The following KDM3B variants were observed in gnomAD, a reference collection of about 807,000 sequenced individuals.
KDM3B encodes the protein lysine demethylase 3B.
A neutral mutation model predicts 170.0 loss-of-function variants in KDM3B; 10 were observed. The observed-to-expected ratio is 0.06, with a 90% CI of 0.04 to 0.10. The LOEUF (loss-of-function observed/expected upper bound fraction) is 0.10, where lower values mean the gene tolerates loss of function less well. KDM3B is among the 10% of genes least tolerant of loss of function. The pLI is 1.00. For synonymous variants in KDM3B, 831 were observed against 834.8 expected (o/e 1.00, Z 0.08); for missense variants, 1,394 against 2,195.2 (o/e 0.64, Z 7.29).
At chr5:138,371,860 A>G (rs1372169021) in intron 1 of KDM3B, among the ~76,000 whole-genome samples, 1 of 152,168 alleles carries the variant, frequency 6.6e-6, no homozygotes, top group Non-Finnish European at 1.5e-5. Flanking sequence ...ACGGTGGCTC[A>G]TGCCTGCAAT....
intron 20 of KDM3B, 99 bp downstream of exon 20, chr5:138,428,185 TTTTTC>T: frequency 3.1e-5 from 38 of 1,206,802 alleles, no homozygotes; most frequent in Non-Finnish European, 4.0e-5. Flanking sequence ...TTTCCTTTTT[TTTTTC>T]TTTTTCTTTT....
chr5:138,402,028 A>C (rs1762706962), intron 11 of KDM3B, among the ~76,000 whole-genome samples: 1 of 151,836 alleles, frequency 6.6e-6, no homozygotes, highest in African/African-American at 2.4e-5. Flanking sequence ...GCCTGGGCCC[A>C]AGCAGTTCTC....
At chr5:138,376,431 G>A (rs1470287456) in intron 3 of KDM3B, among the ~76,000 whole-genome samples, 2 of 152,050 alleles carry the variant, frequency 1.3e-5, no homozygotes, top group African/African-American at 4.8e-5. Context: ...TCGGCCAGGC[G>A]CGGTGGCTCA....
At chr5:138,367,810 C>T (rs191072109) in intron 1 of KDM3B, among the ~76,000 whole-genome samples, 4 of 152,088 alleles carry the variant, frequency 2.6e-5, no homozygotes, top group Non-Finnish European at 4.4e-5. Context: ...GTCAGGAGTT[C>T]GAGACCAGCC....
intron 14 of KDM3B, 79 bp downstream of exon 14, chr5:138,419,311 A>C: frequency 6.9e-7 from 1 of 1,441,932 alleles, no homozygotes; most frequent in Non-Finnish European, 9.4e-7. Context: ...CTCACACATT[A>C]CCATCCACAT....
At position 138,425,503 on chromosome 5, in the gene KDM3B, C is replaced by T. The variant is rs758421127; in HGVS notation, c.4332C>T (p.Asp1444=). 13 of 1,614,008 alleles carry T rather than the reference C, an allele frequency of 8.1e-6. No individual in the cohort carries two copies. The highest frequency in any genetic ancestry group is 1.0e-5 in the Non-Finnish European group (12 of 1,180,032). ...FSQEFGDQDV[D]LVNCRNCAII... Reference sequence around the variant, plus strand: ...AGGAATTTGGAGACCAGGATGTAGACTTGGTGAACTGCAGGAACTGTGCTA... The same window carrying T: ...AGGAATTTGGAGACCAGGATGTAGATTTGGTGAACTGCAGGAACTGTGCTA... Residue 1444 remains aspartate (D), a synonymous_variant, in exon 17 of 24, where the codon GAC becomes GAT. Coordinates refer to ENST00000314358, the MANE Select transcript of KDM3B (RefSeq NM_016604.4).
chr5:138,408,924 A>G (rs548483861), intron 11 of KDM3B, among the ~76,000 whole-genome samples: 6 of 152,176 alleles, frequency 3.9e-5, no homozygotes, highest in Non-Finnish European at 7.3e-5. Flanking sequence ...GTGCCCTTTC[A>G]GGGGGCCATA....
At chr5:138,401,261 A>G (rs1316127301) in intron 11 of KDM3B, among the ~76,000 whole-genome samples, 1 of 125,260 alleles carries the variant, frequency 8.0e-6, no homozygotes, top group Non-Finnish European at 1.7e-5. Flanking sequence ...ACAGAGCAAG[A>G]CTTCATCTCA....
At chr5:138,366,163 A>T (rs1251840713) in intron 1 of KDM3B, among the ~76,000 whole-genome samples, 1 of 151,994 alleles carries the variant, frequency 6.6e-6, no homozygotes, top group South Asian at 2.1e-4. Context: ...ATCTTTCCAC[A>T]TTAGTCTATT....
chr5:138,408,246 C>A (rs143851488), intron 11 of KDM3B, among the ~76,000 whole-genome samples: 7 of 152,062 alleles, frequency 4.6e-5, no homozygotes, highest in African/African-American at 7.2e-5. Context: ...CAGACGCCGC[C>A]GCCTCAAGCC....
Position 138,391,362 on chromosome 5 carries a change from C to T in KDM3B, c.1730C>T (p.Thr577Ile). Reference protein sequence around the residue: ...GLCKGRSVLGTDTKPGSKAGS... With the variant: ...GLCKGRSVLGIDTKPGSKAGS... The stretch of plus-strand genomic sequence containing the variant: ...TGTAAAGGCAGATCCGTTCTTGGAA[C>T]AGACACTAAGCCAGGCTCTAAGGCT... The change falls in exon 8 of 24, where the codon ACA (threonine) becomes ATA (isoleucine). Residue 577 changes from threonine to isoleucine, a missense_variant. Thr to Ile is a moderately conservative substitution (Grantham distance 89). Transcript: ENST00000314358. This position sits in a 1 kb window ranked among gnomAD's most constrained non-coding sequence, Gnocchi z 5.0. The T allele has an allele frequency of 6.2e-7, 1 of 1,614,172 alleles. No individual in the cohort carries two copies. Among genetic ancestry groups the T allele is most frequent in the Non-Finnish European group, 8.5e-7 (1 of 1,180,020 alleles).
chr5:138,368,585 T>G (rs1407575123), intron 1 of KDM3B, among the ~76,000 whole-genome samples: 30 of 152,142 alleles, frequency 2.0e-4, no homozygotes, highest in Non-Finnish European at 5.9e-5. Flanking sequence ...TCTTTCATTT[T>G]TGTAGCCAGG....
intron 1 of KDM3B, among the ~76,000 whole-genome samples, chr5:138,365,331 C>T (rs886488838): frequency 6.6e-6 from 1 of 152,110 alleles, no homozygotes; most frequent in Non-Finnish European, 1.5e-5. Flanking sequence ...GGTGATCACT[C>T]ACTGCAACCT....
Position 138,436,351 on chromosome 5 carries a change from G to C in KDM3B, c.*651G>C, listed in dbSNP as rs1330431491. 1 of 152,166 alleles carries C rather than the reference G, an allele frequency of 6.6e-6. No homozygotes were observed. Among genetic ancestry groups the C allele is most frequent in the Non-Finnish European group, 1.5e-5 (1 of 68,032 alleles). The allele number at this position is 152,166 out of a possible 1,614,324, so 9.4% of individuals were successfully genotyped here. On this transcript the variant is annotated 3_prime_UTR_variant, in exon 24 of 24. Transcript: ENST00000314358. The stretch of plus-strand genomic sequence containing the variant: ...TATTTCATGAAAGTAGATATTTTTA[G>C]AATTTTTGAAATACCACAGTTGTTT...
chr5:138,423,871 T>C (rs1460673573), intron 15 of KDM3B, among the ~76,000 whole-genome samples: 1 of 152,220 alleles, frequency 6.6e-6, no homozygotes. Context: ...CTTTCCTAAA[T>C]GTTAAGGTAA....
At chr5:138,419,665 AAAAATATATATAT>A (rs1763207225) in intron 14 of KDM3B, among the ~76,000 whole-genome samples, 1 of 126,258 alleles carries the variant, frequency 7.9e-6, no homozygotes, top group Admixed American at 8.9e-5. Flanking sequence ...AAAAAAAAAA[AAAAATATATATAT>A]ATATATATAT....
intron 7 of KDM3B, among the ~76,000 whole-genome samples, chr5:138,389,854 A>G (rs1762382471): frequency 6.8e-6 from 1 of 147,916 alleles, no homozygotes; most frequent in Non-Finnish European, 1.5e-5. Context: ...AATATATAGG[A>G]AAGTCCTTCC....
chr5:138,366,812 C>A (rs1761757041), intron 1 of KDM3B, among the ~76,000 whole-genome samples: 1 of 152,196 alleles, frequency 6.6e-6, no homozygotes, highest in Non-Finnish European at 1.5e-5. Context: ...GGAGAGTGCA[C>A]ACGCTGCCTA....
chr5:138,419,450 C>A (rs1336400555), intron 14 of KDM3B, among the ~76,000 whole-genome samples: 1 of 151,756 alleles, frequency 6.6e-6, no homozygotes, highest in Non-Finnish European at 1.5e-5. Flanking sequence ...GTCAGGAGAT[C>A]AAGACCATCC....
Sources: allele counts gnomAD v4.1 joint callset (sites outside exome capture counted in the v4.1 genomes callset), GRCh38; gene constraint gnomAD v4.1.1; non-coding constraint Gnocchi (gnomAD v3.1); transcripts MANE v1.5; gene names NCBI Gene and HGNC (gene_info 2026-07-23, HGNC 2026-07-21).